HNRNPDL: variants seen among roughly 807,000 people sequenced by gnomAD.
HNRNPDL encodes heterogeneous nuclear ribonucleoprotein D-like.
A neutral mutation model predicts 48.0 loss-of-function variants in HNRNPDL; 18 were observed. That is an observed-to-expected ratio of 0.38 (90% CI 0.26 to 0.56). The LOEUF (loss-of-function observed/expected upper bound fraction) is 0.56, where lower values mean the gene tolerates loss of function less well. Ranked by LOEUF, HNRNPDL falls within the 20% of genes least tolerant of loss-of-function variation. The pLI is 0.77. For missense variants in HNRNPDL, 553 were observed against 540.7 expected, an observed-to-expected ratio of 1.02 and a Z score of -0.23; for synonymous variants, 306 against 207.3, an observed-to-expected ratio of 1.48 and a Z score of -4.09.
chr4:82,428,590 C>A (rs1039934275), intron 1 of HNRNPDL, 144 bp from the exon 2 acceptor site: 8 of 700,422 alleles, frequency 1.1e-5, no homozygotes, highest in Non-Finnish European at 1.8e-5. Flanking sequence ...ATCTATGTCA[C>A]ACAAAAATCC....
At chr4:82,427,957 G>C in intron 3 of HNRNPDL, 61 bp downstream of exon 3, 1 of 1,508,250 alleles carries the variant, frequency 6.6e-7, no homozygotes, top group East Asian at 2.3e-5. Context: ...GCATAAATCG[G>C]ACAAGGATTG....
At chr4:82,428,206 C>T (rs1381526693) in intron 2 of HNRNPDL, 27 bp from the exon 3 acceptor site, 1 of 1,612,030 alleles carries the variant, frequency 6.2e-7, no homozygotes, top group Admixed American at 1.7e-5. Flanking sequence ...TTTAATCTGA[C>T]AGCACCATAT....
intron 3 of HNRNPDL, 31 bp downstream of exon 3, chr4:82,427,987 A>C (rs1228008090): frequency 1.3e-6 from 2 of 1,595,782 alleles, no homozygotes; most frequent in Non-Finnish European, 1.7e-6. Flanking sequence ...TAAACACATC[A>C]AGCTTAACAT....
Position 82,423,507 on chromosome 4 carries a change from GA to G in HNRNPDL, c.*1398del, listed in dbSNP as rs1438742306. 1.3e-5 allele frequency: 2 copies of G among 151,566 alleles called. No individual in the cohort carries two copies. The highest frequency in any genetic ancestry group is 2.9e-5 in the Non-Finnish European group (2 of 67,944). 9.4% of individuals were successfully genotyped at this position (151,566 alleles called of 1,614,324 possible). A position where few individuals can be genotyped will look rare whatever the true frequency, so the allele number is the denominator to read the frequency against. On this transcript the variant is annotated 3_prime_UTR_variant, in exon 8 of 8. Transcript: ENST00000295470. ...GCCCAGGAAGTAGAATCATTGTTAAGAAAGTTGCAGGCACCAAATTAAAAAA... is the reference window on the plus strand; with the variant it reads ...GCCCAGGAAGTAGAATCATTGTTAAGAAGTTGCAGGCACCAAATTAAAAAA...
chr4:82,427,598 T>A (rs370811815), intron 3 of HNRNPDL, 34 bp from the exon 4 acceptor site: 300 of 1,599,572 alleles, frequency 1.9e-4, no homozygotes, highest in Non-Finnish European at 2.2e-4. Flanking sequence ...CGTCATCCCA[T>A]AATTGTAAAA....
chr4:82,429,112 T>G, intron 1 of HNRNPDL, 136 bp downstream of exon 1: 1 of 784,996 alleles, frequency 1.3e-6, no homozygotes. Context: ...TCCTCTTCCC[T>G]CCAATCTAGT....
At position 82,429,380 on chromosome 4, in the gene HNRNPDL, G is replaced by C. The variant is rs961696042; in HGVS notation, c.311C>G (p.Ala104Gly). 6.8e-6 allele frequency: 11 copies of C among 1,613,418 alleles called. No individual in the cohort carries two copies. Among genetic ancestry groups the C allele is most frequent in the Admixed American group, 1.7e-5 (1 of 59,992 alleles). The stretch of plus-strand genomic sequence containing the variant: ...GGGGTGCTGGCGCGCAGTCCGGGTC[G>C]CGGCAGCAGCGGCGGCGGAGCGTTG... ...SIQRSAAAAA[A>G]TRTARQHPPA... Residue 104 changes from alanine to glycine, a missense_variant, in exon 1 of 8, where the codon GCG (alanine) becomes GGG (glycine). Transcript: ENST00000295470.
chr4:82,426,317 A>G lies in HNRNPDL; in HGVS notation c.1192+146T>C. 3.5e-6 allele frequency: 3 copies of G among 855,940 alleles called. No individual in the cohort carries two copies. In the South Asian group the frequency reaches 4.9e-5, roughly 14 times the overall value. 53.0% of individuals were successfully genotyped at this position (855,940 alleles called of 1,614,324 possible). On this transcript the variant is annotated intron_variant, in intron 6 of 7. Coordinates refer to ENST00000295470, the MANE Select transcript of HNRNPDL (RefSeq NM_031372.4). Reference sequence around the variant, plus strand: ...TATAACCACCAGTCTATGTTAGTATAATCATCCTATGATTGTAACATGCCT... The same window carrying G: ...TATAACCACCAGTCTATGTTAGTATGATCATCCTATGATTGTAACATGCCT...
At chr4:82,428,927 T>G (rs1346406738) in intron 1 of HNRNPDL, among the ~76,000 whole-genome samples, 1 of 152,206 alleles carries the variant, frequency 6.6e-6, no homozygotes, top group African/African-American at 2.4e-5. Context: ...AGAGACACAA[T>G]GAAGAGGCGG....
rs1578083550 is a variant in HNRNPDL, at chr4:82,426,712, C to T, written c.1022-79G>A. The T allele has an allele frequency of 5.1e-6, 6 of 1,188,106 alleles. No homozygotes were observed. In the South Asian group the frequency reaches 7.5e-5, roughly 15 times the overall value. The allele number at this position is 1,188,106 out of a possible 1,614,324, so 73.6% of individuals were successfully genotyped here. ...CATAAAATGATGCGTTCTTGTCTCT[C>T]ACTCTGCAAATCTTAAAGGGCAGAA... On this transcript the variant is annotated intron_variant, in intron 5 of 7. Transcript: ENST00000295470.
chr4:82,426,050 T>C lies in HNRNPDL; in HGVS notation c.*9A>G, dbSNP rs1158174051. 4.4e-6 allele frequency: 7 copies of C among 1,601,410 alleles called. No individual in the cohort carries two copies. The highest frequency in any genetic ancestry group is 3.5e-4 in the Middle Eastern group (2 of 5,724). ...TCTTATACACACCTGTTTTCTCCAA[T>C]GTTCTCCTTTAGTATGGCTGGTAAT... On this transcript the variant is annotated 3_prime_UTR_variant, in exon 7 of 8. Transcript: ENST00000295470.
At position 82,429,786 on chromosome 4, in the gene HNRNPDL, C is replaced by T; in HGVS notation, c.-96G>A. ...AGAGAAAAACGAAGGGGCGTAAATT[C>T]CTGGGGTCAGCAGTCCCGAGCAGAG... On this transcript the variant is annotated 5_prime_UTR_variant, in exon 1 of 8. Transcript: ENST00000295470. 9.9e-7 allele frequency: 1 copy of T among 1,007,166 alleles called. No homozygotes were observed. Among genetic ancestry groups the T allele is most frequent in the Non-Finnish European group, 1.3e-6 (1 of 759,234 alleles). 62.4% of individuals were successfully genotyped at this position (1,007,166 alleles called of 1,614,324 possible). A position where few individuals can be genotyped will look rare whatever the true frequency, so the allele number is the denominator to read the frequency against.
rs551027227 is a variant in HNRNPDL at position 82,428,054 on chromosome 4, T to C, written c.738A>G (p.Glu246=). ...FVGGLSPDTS[E]EQIKEYFGAF... ...CTCCAAAATATTCTTTAATTTGTTCTTCAGAAGTATCCGGGCTCAATCCAC... is the reference window on the plus strand; with the variant it reads ...CTCCAAAATATTCTTTAATTTGTTCCTCAGAAGTATCCGGGCTCAATCCAC... The change falls in exon 3 of 8, where the codon GAA becomes GAG. Residue 246 remains glutamate (E), a synonymous_variant. Coordinates refer to ENST00000295470, the MANE Select transcript of HNRNPDL (RefSeq NM_031372.4). 1 of 1,614,200 alleles carries C rather than the reference T, an allele frequency of 6.2e-7. No homozygotes were observed. The highest frequency in any genetic ancestry group is 8.5e-7 in the Non-Finnish European group (1 of 1,180,026).
In HNRNPDL at chr4:82,429,526, G is replaced by A. The variant is rs1721609739; in HGVS notation, c.165C>T (p.Arg55=). ...GGGCGGTGACGTGGCGCTGGGCCCG[G>A]CGCGCCCCCTGCCGGGCGGAGCTGG... ...LAPSSARQGA[R]RAQRHVTAQQ... The change falls in exon 1 of 8, where the codon CGC becomes CGT. Residue 55 remains arginine, a synonymous_variant. Transcript: ENST00000295470. 1.3e-6 allele frequency: 2 copies of A among 1,491,782 alleles called. No homozygotes were observed. The highest frequency in any genetic ancestry group is 1.5e-5 in the African/African-American group (1 of 68,834). The allele number at this position is 1,491,782 out of a possible 1,614,324, so 92.4% of individuals were successfully genotyped here. A position where few individuals can be genotyped will look rare whatever the true frequency, so the allele number is the denominator to read the frequency against.
At chr4:82,428,953 G>A (rs1000840435) in intron 1 of HNRNPDL, among the ~76,000 whole-genome samples, 3 of 152,204 alleles carry the variant, frequency 2.0e-5, no homozygotes, top group Non-Finnish European at 4.4e-5. Flanking sequence ...GCTGCAGCGT[G>A]CAGCGCTGGG....
chr4:82,422,918 T>C lies in HNRNPDL; in HGVS notation c.*1988A>G, dbSNP rs1029607881. The C allele has an allele frequency of 1.3e-5, 2 of 152,262 alleles. No homozygotes were observed. Among genetic ancestry groups the C allele is most frequent in the Non-Finnish European group, 2.9e-5 (2 of 68,038 alleles). 9.4% of individuals were successfully genotyped at this position (152,262 alleles called of 1,614,324 possible). A position where few individuals can be genotyped will look rare whatever the true frequency, so the allele number is the denominator to read the frequency against. ...CCCCAATAAACTTGTCCAATTACTT[T>C]GTTCTAAATTAATCCTTGGGAACGA... On this transcript the variant is annotated 3_prime_UTR_variant, in exon 8 of 8. Coordinates refer to ENST00000295470, the MANE Select transcript of HNRNPDL (RefSeq NM_031372.4).
Position 82,429,769 on chromosome 4 carries a change from A to C in HNRNPDL, c.-79T>G. The stretch of plus-strand genomic sequence containing the variant: ...AGAAGAGAAGAATCAGAAGAGAAAA[A>C]CGAAGGGGCGTAAATTCCTGGGGTC... On this transcript the variant is annotated 5_prime_UTR_variant, in exon 1 of 8. Coordinates refer to ENST00000295470, the MANE Select transcript of HNRNPDL (RefSeq NM_031372.4). 1 of 1,131,210 alleles carries C rather than the reference A, an allele frequency of 8.8e-7. No homozygotes were observed. Among genetic ancestry groups the C allele is most frequent in the Non-Finnish European group, 1.1e-6 (1 of 872,092 alleles). 70.1% of individuals were successfully genotyped at this position (1,131,210 alleles called of 1,614,324 possible). A position where few individuals can be genotyped will look rare whatever the true frequency, so the allele number is the denominator to read the frequency against.
chr4:82,426,572 G>A lies in HNRNPDL; in HGVS notation c.1083C>T (p.Tyr361=). Residue 361 remains tyrosine, a synonymous_variant, in exon 6 of 8, where the codon TAC becomes TAT. Transcript: ENST00000295470. ...NNYYDQGYGN[Y]NSAYGGDQNY... is the part of the protein sequence containing the mutation. ...TTTGATCACCACCATAGGCACTATT[G>A]TAATTTCCATATCCTTGATCATAAT... is the stretch of plus-strand genomic sequence containing the variant. 1 of 1,613,516 alleles carries A rather than the reference G, an allele frequency of 6.2e-7. No individual in the cohort carries two copies. The highest frequency in any genetic ancestry group is 8.5e-7 in the Non-Finnish European group (1 of 1,179,654).
At chr4:82,429,138 C>A in intron 1 of HNRNPDL, 110 bp downstream of exon 1, 1 of 1,003,390 alleles carries the variant, frequency 1.0e-6, no homozygotes, top group East Asian at 2.4e-5. Context: ...CCAGAAGGCA[C>A]GCGGGGAATC....
Sources: allele counts gnomAD v4.1 joint callset (sites outside exome capture counted in the v4.1 genomes callset), GRCh38; gene constraint gnomAD v4.1.1; transcripts MANE v1.5; gene names NCBI Gene and HGNC (gene_info 2026-07-23, HGNC 2026-07-21).